Variants in TRIM56 observed in about 807,000 individuals in gnomAD.
The protein encoded by TRIM56 is tripartite motif containing 56.
In TRIM56, 10 loss-of-function variants were observed where a neutral mutation model predicts 17.1. The observed-to-expected ratio is 0.58, with a 90% CI of 0.36 to 0.99. TRIM56 has a LOEUF of 0.99. Among genes scored for constraint, TRIM56 ranks in the 50% least tolerant of loss-of-function variants. TRIM56 has a pLI of 0.01. For missense variants in TRIM56, 923 were observed against 1,052.3 expected (o/e 0.88, Z 1.70); for synonymous variants, 503 against 473.5 (o/e 1.06, Z -0.81).
At position 101,088,879 on chromosome 7, in the gene TRIM56, G is replaced by A; in HGVS notation, c.1567G>A (p.Val523Met). ...LCPFGPREIL[V>M]ADEQNRALKR... ...TCCCTTCGGTCCCCGGGAGATCCTG[G>A]TGGCGGATGAGCAGAACCGGGCACT... The change falls in exon 3 of 3, where the codon GTG becomes ATG. Residue 523 changes from valine to methionine, a missense_variant. Coordinates refer to ENST00000306085, the MANE Select transcript of TRIM56 (RefSeq NM_030961.3). 1 of 1,613,894 alleles carries A rather than the reference G, an allele frequency of 6.2e-7. No homozygotes were observed. The highest frequency in any genetic ancestry group is 1.1e-5 in the South Asian group (1 of 91,080).
Position 101,094,203 on chromosome 7 carries a change from A to G in TRIM56, c.*4623A>G, listed in dbSNP as rs1302349421. ...ACTATGAAAACTATTGAGAAGAAATAGTTACGTGATACAGTCATAATCCTC... is the reference window on the plus strand; with the variant it reads ...ACTATGAAAACTATTGAGAAGAAATGGTTACGTGATACAGTCATAATCCTC... On this transcript the variant is annotated 3_prime_UTR_variant, in exon 3 of 3. Transcript: ENST00000306085. 1 of 152,248 alleles carries G rather than the reference A, an allele frequency of 6.6e-6. No homozygotes were observed. Among genetic ancestry groups the G allele is most frequent in the Non-Finnish European group, 1.5e-5 (1 of 68,044 alleles). 9.4% of individuals were successfully genotyped at this position (152,248 alleles called of 1,614,324 possible).
At position 101,088,770 on chromosome 7, in the gene TRIM56, C is replaced by G. The variant is rs1228533529; in HGVS notation, c.1458C>G (p.Gly486=). The G allele has an allele frequency of 6.2e-7, 1 of 1,613,958 alleles. No individual in the cohort carries two copies. Among genetic ancestry groups the G allele is most frequent in the Admixed American group, 1.7e-5 (1 of 60,030 alleles). ...TGGGGCCGAATCTGGACGGCTCTGG[C>G]CTCCTCCCCAGACCCATCTTTTACT... ...PALGPNLDGS[G]LLPRPIFYCS... is the part of the protein sequence containing the mutation. Residue 486 remains glycine (G), a synonymous_variant, in exon 3 of 3, where the codon GGC becomes GGG. Coordinates refer to ENST00000306085, the MANE Select transcript of TRIM56 (RefSeq NM_030961.3).
rs1239512260 is a variant in TRIM56, at chr7:101,089,575, A to T, written c.2263A>T (p.Ser755Cys). The change falls in exon 3 of 3, where the codon AGT becomes TGT. Residue 755 changes from serine (S) to cysteine (C), a missense_variant. Physicochemically the swap from Ser to Cys is moderately radical, Grantham distance 112. Coordinates refer to ENST00000306085, the MANE Select transcript of TRIM56 (RefSeq NM_030961.3). ...IHIFRVRSPD[S>C] ...CATCTTTCGGGTCCGTTCTCCGGAC[A>T]GTTAAAGGGGCTAGGACTAGGGTGA... The T allele has an allele frequency of 2.5e-6, 4 of 1,613,124 alleles. No individual in the cohort carries two copies. The Admixed American group carries it at 6.7e-5, about 27-fold the overall frequency.
rs149757114 is a variant in TRIM56 at position 101,087,000 on chromosome 7, T to C, written c.-164-6T>C. On this transcript the variant is annotated splice_region_variant and splice_polypyrimidine_tract_variant and intron_variant, in intron 1 of 2. Transcript: ENST00000306085. ...AGCTAAGGCCAGGGACTCCTGGTCT[T>C]GTCAGTTCTCACAGGTCTGACCCAA... 0.011 allele frequency: 4,096 copies of C among 357,132 alleles called. 57 individuals are homozygous for C. Among genetic ancestry groups the C allele is most frequent in the Non-Finnish European group, 0.012 (2,272 of 193,756 alleles). 22.1% of individuals were successfully genotyped at this position (357,132 alleles called of 1,614,324 possible).
rs2116528747 is a variant in TRIM56, at chr7:101,087,930, T to C, written c.618T>C (p.Ala206=). ...TGGACCACCCCTGCCTGCCTCTGGC[T>C]GAAGCTGTGCGTGCCCGGAGGCCGG... The part of the protein sequence containing the change: ...PHLDHPCLPL[A]EAVRARRPGL... Residue 206 remains alanine, a synonymous_variant, in exon 3 of 3, where the codon GCT becomes GCC. Transcript: ENST00000306085. The C allele has an allele frequency of 6.2e-7, 1 of 1,601,018 alleles. No homozygotes were observed. The highest frequency in any genetic ancestry group is 2.2e-5 in the East Asian group (1 of 44,646).
chr7:101,088,591 A>G lies in TRIM56; in HGVS notation c.1279A>G (p.Thr427Ala), dbSNP rs200279454. 27 of 1,612,766 alleles carry G rather than the reference A, an allele frequency of 1.7e-5. No homozygotes were observed. In the African/African-American group the frequency reaches 3.2e-4, roughly 19 times the overall value. Reference protein sequence around the residue: ...QTPKEEKAQTTREEGAQTLEE... With the variant: ...QTPKEEKAQTAREEGAQTLEE... ...CCCAAAAGAGGAAAAAGCCCAGACA[A>G]CCCGAGAAGAGGGAGCCCAGACCTT... Residue 427 changes from threonine (T) to alanine (A), a missense_variant, in exon 3 of 3, where the codon ACC becomes GCC. Thr to Ala is a moderately conservative substitution (Grantham distance 58). Around this residue, in one of 3 missense-constraint regions of TRIM56, gnomAD observed 643 missense variants for 665.6 expected, o/e 0.97. Transcript: ENST00000306085.
At position 101,094,086 on chromosome 7, in the gene TRIM56, T is replaced by TA. The variant is rs1294725701; in HGVS notation, c.*4507dup. 6.6e-6 allele frequency: 1 copy of TA among 152,246 alleles called. No homozygotes were observed. Among genetic ancestry groups the TA allele is most frequent in the African/African-American group, 2.4e-5 (1 of 41,470 alleles). The allele number at this position is 152,246 out of a possible 1,614,324, so 9.4% of individuals were successfully genotyped here. On this transcript the variant is annotated 3_prime_UTR_variant, in exon 3 of 3. Coordinates refer to ENST00000306085, the MANE Select transcript of TRIM56 (RefSeq NM_030961.3). Reference sequence around the variant, plus strand: ...AGACATTTGAGGCTGCTCTGTATATTACAGGCAAGAACTGGAAACTGTTCG... The same window carrying TA: ...AGACATTTGAGGCTGCTCTGTATATTAACAGGCAAGAACTGGAAACTGTTCG...
At position 101,090,120 on chromosome 7, in the gene TRIM56, C is replaced by T. The variant is rs1795537194; in HGVS notation, c.*540C>T. On this transcript the variant is annotated 3_prime_UTR_variant, in exon 3 of 3. Transcript: ENST00000306085. ...TCTTCTGCCAGCCACAGGCAGGATG[C>T]TCCTTGATCACGGCATCCCCCGGCG... The T allele has an allele frequency of 6.0e-6, 1 of 167,434 alleles. No individual in the cohort carries two copies. Among genetic ancestry groups the T allele is most frequent in the African/African-American group, 2.4e-5 (1 of 41,422 alleles). The allele number at this position is 167,434 out of a possible 1,614,324, so 10.4% of individuals were successfully genotyped here.
rs986616366 is a variant in TRIM56, at chr7:101,092,640, C to T, written c.*3060C>T. 2.8e-5 allele frequency: 4 copies of T among 144,400 alleles called. No homozygotes were observed. The highest frequency in any genetic ancestry group is 5.7e-5 in the African/African-American group (2 of 35,110). The allele number at this position is 144,400 out of a possible 1,614,324, so 8.9% of individuals were successfully genotyped here. ...GAGGGAGGTGGGGGGTCAGCCCCCG[C>T]CCGGCCAGCCGCGCCTTCCGGGAGG... is the stretch of plus-strand genomic sequence containing the variant. On this transcript the variant is annotated 3_prime_UTR_variant, in exon 3 of 3. Coordinates refer to ENST00000306085, the MANE Select transcript of TRIM56 (RefSeq NM_030961.3).
In TRIM56 at chr7:101,087,170, T is replaced by G; in HGVS notation, c.-2+2T>G. Reference sequence around the variant, plus strand: ...AGAAGGAAGTTCCTGGCCATTCAGGTGAGACCTCAGGTTCCTTCCCGGCCA... The same window carrying G: ...AGAAGGAAGTTCCTGGCCATTCAGGGGAGACCTCAGGTTCCTTCCCGGCCA... On this transcript the variant is annotated splice_donor_variant, in intron 2 of 2. Transcript: ENST00000306085. LOFTEE classifies it low-confidence loss of function (5UTR_SPLICE). 2 of 768,926 alleles carry G rather than the reference T, an allele frequency of 2.6e-6. No homozygotes were observed. The highest frequency in any genetic ancestry group is 4.3e-6 in the Non-Finnish European group (2 of 467,878). 47.6% of individuals were successfully genotyped at this position (768,926 alleles called of 1,614,324 possible).
At chr7:101,086,386 C>T (rs1272912482) in intron 1 of TRIM56, among the ~76,000 whole-genome samples, 4 of 151,980 alleles carry the variant, frequency 2.6e-5, no homozygotes, top group Admixed American at 2.6e-4. Context: ...TAGGGCCAAA[C>T]TCCATTTCTA....
intron 1 of TRIM56, among the ~76,000 whole-genome samples, chr7:101,086,026 C>T (rs1451582465): frequency 1.3e-5 from 2 of 152,190 alleles, no homozygotes; most frequent in Non-Finnish European, 2.9e-5. Context: ...TTTCTGCCCG[C>T]TCCAGAATCC....
In TRIM56 at chr7:101,091,764, C is replaced by T; in HGVS notation, c.*2184C>T. The T allele has an allele frequency of 2.2e-6, 1 of 445,540 alleles. No individual in the cohort carries two copies. The highest frequency in any genetic ancestry group is 4.5e-6 in the Non-Finnish European group (1 of 224,464). The allele number at this position is 445,540 out of a possible 1,614,324, so 27.6% of individuals were successfully genotyped here. On this transcript the variant is annotated 3_prime_UTR_variant, in exon 3 of 3. Transcript: ENST00000306085. ...AAAAGAAAAGAAAGAAAACCAAGGT[C>T]CCTCTCCCTCTCCCTCTCCCCACGG...
chr7:101,087,125 G>T lies in TRIM56; in HGVS notation c.-45G>T. ...CAGCTCCTTAGCTCAAGAGCAAGTG[G>T]CCCAAGGCCTCAGAAGACTAGAAGG... On this transcript the variant is annotated 5_prime_UTR_variant, in exon 2 of 3. Transcript: ENST00000306085. 3.2e-6 allele frequency: 2 copies of T among 628,060 alleles called. No homozygotes were observed. The highest frequency in any genetic ancestry group is 2.8e-6 in the Non-Finnish European group (1 of 356,234). The allele number at this position is 628,060 out of a possible 1,614,324, so 38.9% of individuals were successfully genotyped here. A position where few individuals can be genotyped will look rare whatever the true frequency, so the allele number is the denominator to read the frequency against.
Position 101,089,327 on chromosome 7 carries a change from A to C in TRIM56, c.2015A>C (p.Lys672Thr), listed in dbSNP as rs767632533. The C allele has an allele frequency of 5.0e-6, 8 of 1,604,300 alleles. No homozygotes were observed. The African/African-American group carries it at 5.3e-5, about 11-fold the overall frequency. ...CTGGGCCAGGTGGTTGGGGAGTACA[A>C]GGGGCCAGGCCTGCATGGCTGCCAG... ...DGLGQVVGEY[K>T]GPGLHGCQPG... The change falls in exon 3 of 3, where the codon AAG (lysine) becomes ACG (threonine). Residue 672 changes from lysine (K) to threonine (T), a missense_variant. Lys to Thr is a moderately conservative substitution (Grantham distance 78). Around this residue, in one of 3 missense-constraint regions of TRIM56, gnomAD observed 182 missense variants for 243.1 expected, o/e 0.75. Transcript: ENST00000306085.
In TRIM56 at chr7:101,088,000, C is replaced by G. The variant is rs1339103439; in HGVS notation, c.688C>G (p.Leu230Val). 6 of 1,584,410 alleles carry G rather than the reference C, an allele frequency of 3.8e-6. No homozygotes were observed. The African/African-American group carries it at 6.7e-5, about 18-fold the overall frequency. The change falls in exon 3 of 3, where the codon CTG becomes GTG. Residue 230 changes from leucine (L) to valine (V), a missense_variant. Physicochemically the swap from Leu to Val is conservative, Grantham distance 32. Coordinates refer to ENST00000306085, the MANE Select transcript of TRIM56 (RefSeq NM_030961.3). ...LAGVDNNLVE[L>V]EAARRVEKEA... ...CGGTGTGGACAATAACCTGGTGGAG[C>G]TGGAGGCAGCGCGGAGGGTGGAGAA...
chr7:101,089,795 G>T lies in TRIM56; in HGVS notation c.*215G>T, dbSNP rs373021667. On this transcript the variant is annotated 3_prime_UTR_variant, in exon 3 of 3. Coordinates refer to ENST00000306085, the MANE Select transcript of TRIM56 (RefSeq NM_030961.3). ...TTAACTCTCAGAAGCAGAGGAGGCA[G>T]GTGGGTGGAGGGGGATGCTGGGAGT... 4.3e-5 allele frequency: 22 copies of T among 513,228 alleles called. No individual in the cohort carries two copies. The highest frequency in any genetic ancestry group is 3.9e-4 in the East Asian group (12 of 31,060). The allele number at this position is 513,228 out of a possible 1,614,324, so 31.8% of individuals were successfully genotyped here. A position where few individuals can be genotyped will look rare whatever the true frequency, so the allele number is the denominator to read the frequency against.
Position 101,089,133 on chromosome 7 carries a change from G to A in TRIM56, c.1821G>A (p.Val607=), listed in dbSNP as rs1381671149. ...LPSGDRVAVS[V]AGHVEVYNME... ...GCGGGGACCGCGTGGCTGTCAGCGTGGCGGGCCACGTGGAGGTGTACAATA... is the reference window on the plus strand; with the variant it reads ...GCGGGGACCGCGTGGCTGTCAGCGTAGCGGGCCACGTGGAGGTGTACAATA... The change falls in exon 3 of 3, where the codon GTG becomes GTA. Residue 607 remains valine, a synonymous_variant. Coordinates refer to ENST00000306085, the MANE Select transcript of TRIM56 (RefSeq NM_030961.3). 6.2e-7 allele frequency: 1 copy of A among 1,607,536 alleles called. No homozygotes were observed. The highest frequency in any genetic ancestry group is 1.7e-4 in the Middle Eastern group (1 of 6,052).
chr7:101,095,883 A>G lies in TRIM56; in HGVS notation c.*6303A>G, dbSNP rs1795646344. On this transcript the variant is annotated 3_prime_UTR_variant, in exon 3 of 3. Transcript: ENST00000306085. ...AGAAAGCCCTGCTCAGGACTAAGGC[A>G]GAGTTCCCAGTTATATCGCAGATAC... 6.6e-6 allele frequency: 1 copy of G among 152,222 alleles called. No individual in the cohort carries two copies. Among genetic ancestry groups the G allele is most frequent in the Non-Finnish European group, 1.5e-5 (1 of 68,054 alleles). 9.4% of individuals were successfully genotyped at this position (152,222 alleles called of 1,614,324 possible).
Sources: gnomAD v4.1 joint callset for allele counts (sites outside exome capture counted in the v4.1 genomes callset) on GRCh38, gnomAD v4.1.1 for gene constraint, gnomAD v4.1.1 regional missense constraint, MANE v1.5 for transcripts, NCBI Gene and HGNC (gene_info 2026-07-23, HGNC 2026-07-21) for gene names.